Variants in PRKD1 observed in about 807,000 individuals in gnomAD.
PRKD1 encodes the protein serine/threonine-protein kinase D1.
A neutral mutation model predicts 95.9 loss-of-function variants in PRKD1; 63 were observed. The ratio of observed to expected loss-of-function variants is 0.66; its 90% CI spans 0.54 to 0.81. The LOEUF (loss-of-function observed/expected upper bound fraction) is 0.81, where lower values mean the gene tolerates loss of function less well. PRKD1 is among the 30% of genes least tolerant of loss of function. The probability of loss-of-function intolerance (pLI) is 0.00; values close to 1 mark genes in which losing one functional copy is unlikely to be tolerated. For synonymous variants in PRKD1, 425 were observed against 423.1 expected, an observed-to-expected ratio of 1.00 and a Z score of -0.05; for missense variants, 1,048 against 1,165.3, an observed-to-expected ratio of 0.90 and a Z score of 1.47.
intron 1 of PRKD1, among the ~76,000 whole-genome samples, chr14:29,892,281 G>A (rs1209531900): frequency 6.6e-6 from 1 of 152,070 alleles, no homozygotes; most frequent in East Asian, 1.9e-4. Context: ...CAGGAGATAT[G>A]GGGTAAGTAA....
At chr14:29,669,003 A>AT (rs1447706623) in intron 2 of PRKD1, among the ~76,000 whole-genome samples, 2 of 151,416 alleles carry the variant, frequency 1.3e-5, no homozygotes, top group Admixed American at 1.3e-4. Context: ...CTCAACTTGT[A>AT]TTTTTTTGAC....
intron 1 of PRKD1, among the ~76,000 whole-genome samples, chr14:29,820,850 G>C (rs1034760950): frequency 6.6e-6 from 1 of 152,192 alleles, no homozygotes; most frequent in Non-Finnish European, 1.5e-5. Context: ...ATCAGAGCTT[G>C]AATTGAGACA....
At chr14:29,758,787 G>A (rs1217738464) in intron 1 of PRKD1, among the ~76,000 whole-genome samples, 1 of 152,180 alleles carries the variant, frequency 6.6e-6, no homozygotes, top group Admixed American at 6.5e-5. Context: ...TCCATAACAT[G>A]TAAAGCCAGG....
At chr14:29,867,202 T>A (rs1892939274) in intron 1 of PRKD1, among the ~76,000 whole-genome samples, 1 of 152,094 alleles carries the variant, frequency 6.6e-6, no homozygotes, top group Non-Finnish European at 1.5e-5. Flanking sequence ...AGACAGAAAA[T>A]AACAAAGCAA....
intron 1 of PRKD1, among the ~76,000 whole-genome samples, chr14:29,816,901 A>T (rs886715764): frequency 6.6e-6 from 1 of 152,220 alleles, no homozygotes; most frequent in African/African-American, 2.4e-5. Context: ...CCTTCAGCAG[A>T]AAATACATAT....
chr14:29,838,222 C>T (rs555499763), intron 1 of PRKD1, among the ~76,000 whole-genome samples: 1 of 152,238 alleles, frequency 6.6e-6, no homozygotes, highest in Non-Finnish European at 1.5e-5. Context: ...GTTCTGCCCT[C>T]ATACTTAAAG....
intron 2 of PRKD1, among the ~76,000 whole-genome samples, chr14:29,691,545 A>G (rs1884233046): frequency 6.6e-6 from 1 of 152,216 alleles, no homozygotes; most frequent in Admixed American, 6.5e-5. Flanking sequence ...TGCCTTGCAG[A>G]GGATGGCTAA....
At chr14:29,852,759 A>G (rs1272819304) in intron 1 of PRKD1, among the ~76,000 whole-genome samples, 1 of 152,198 alleles carries the variant, frequency 6.6e-6, no homozygotes, top group African/African-American at 2.4e-5. Context: ...AACAAAAAAG[A>G]AATTTAAATG....
At chr14:29,901,419 T>C (rs1001335791) in intron 1 of PRKD1, among the ~76,000 whole-genome samples, 2 of 152,186 alleles carry the variant, frequency 1.3e-5, no homozygotes, top group Admixed American at 6.5e-5. Flanking sequence ...GGATCATCTG[T>C]ACCCTAAACC....
intron 11 of PRKD1, among the ~76,000 whole-genome samples, chr14:29,628,753 T>C (rs964890070): frequency 6.6e-6 from 1 of 152,142 alleles, no homozygotes; most frequent in African/African-American, 2.4e-5. Flanking sequence ...TATCAACCAT[T>C]AAAATTCCAG....
intron 1 of PRKD1, among the ~76,000 whole-genome samples, chr14:29,817,713 C>A (rs1262514807): frequency 6.6e-6 from 1 of 152,120 alleles, no homozygotes; most frequent in Non-Finnish European, 1.5e-5. Context: ...TGAACCCAAG[C>A]AGCAAGACTC....
At chr14:29,720,085 G>C (rs538332549) in intron 2 of PRKD1, among the ~76,000 whole-genome samples, 1 of 152,180 alleles carries the variant, frequency 6.6e-6, no homozygotes, top group African/African-American at 2.4e-5. Flanking sequence ...ATAAGCATAC[G>C]CATCACATTT....
chr14:29,826,844 CATATATAT>C lies in PRKD1; in HGVS notation c.264+100397_264+100404del, dbSNP rs1228527833. On this transcript the variant is annotated intron_variant, in intron 1 of 17. Transcript: ENST00000331968. ...ATATATATATATATATATATACACA[CATATATAT>C]ATATATATATATATATATATATATG... Among the ~76,000 whole-genome samples the C allele has an allele frequency of 5.2e-4, 15 of 28,668 alleles. 2 individuals carry two copies. Among genetic ancestry groups the C allele is most frequent in the African/African-American group, 9.7e-4 (8 of 8,242 alleles). The allele number at this position is 28,668 out of a possible 152,430, so 18.8% of individuals were successfully genotyped here.
intron 2 of PRKD1, among the ~76,000 whole-genome samples, chr14:29,692,848 G>C (rs1477388432): frequency 6.6e-6 from 1 of 152,088 alleles, no homozygotes; most frequent in Admixed American, 6.6e-5. Context: ...GATATAACTT[G>C]GCCAAATAAC....
Position 29,845,116 on chromosome 14 carries a change from A to G in PRKD1, c.264+82133T>C, listed in dbSNP as rs1594571638. On this transcript the variant is annotated intron_variant, in intron 1 of 17. Transcript: ENST00000331968. ...AAAGCATCTAGTAGTCACTGCCAAG[A>G]CTGTTTTCTATGTTCTCCAATTTTT... Among the ~76,000 whole-genome samples the G allele has an allele frequency of 2.0e-5, 3 of 152,288 alleles. 1 individual carries two copies. In the South Asian group the frequency reaches 6.2e-4, roughly 32 times the overall value.
At chr14:29,811,581 C>G (rs544594362) in intron 1 of PRKD1, among the ~76,000 whole-genome samples, 2 of 152,328 alleles carry the variant, frequency 1.3e-5, no homozygotes, top group African/African-American at 4.8e-5. Flanking sequence ...TGTTCTAAGA[C>G]CTGTGGGGCT....
At chr14:29,579,722 G>A (rs1481079728) in intron 16 of PRKD1, among the ~76,000 whole-genome samples, 1 of 152,174 alleles carries the variant, frequency 6.6e-6, no homozygotes, top group Non-Finnish European at 1.5e-5. Flanking sequence ...GTATTTGCCT[G>A]CCCTGAAGGG....
chr14:29,867,562 A>G (rs1355796464), intron 1 of PRKD1, among the ~76,000 whole-genome samples: 1 of 152,192 alleles, frequency 6.6e-6, no homozygotes, highest in Non-Finnish European at 1.5e-5. Context: ...ATCACACAAG[A>G]CTCTGTGAGC....
intron 2 of PRKD1, among the ~76,000 whole-genome samples, chr14:29,708,612 C>T (rs1435990460): frequency 6.6e-6 from 1 of 152,142 alleles, no homozygotes; most frequent in African/African-American, 2.4e-5. Flanking sequence ...GTAATCCCTG[C>T]ACTTTGGAAG....
Sources: allele counts gnomAD v4.1 joint callset (sites outside exome capture counted in the v4.1 genomes callset), GRCh38; gene constraint gnomAD v4.1.1; transcripts MANE v1.5; gene names NCBI Gene and HGNC (gene_info 2026-07-23, HGNC 2026-07-21).